SNX29: variants seen among roughly 807,000 people sequenced by gnomAD.
The protein encoded by SNX29 is sorting nexin-29.
In SNX29, 78 loss-of-function variants were observed where a neutral mutation model predicts 102.1. The observed-to-expected ratio is 0.76, with a 90% CI of 0.64 to 0.92. The LOEUF is 0.92. Among genes scored for constraint, SNX29 ranks in the 40% least tolerant of loss-of-function variants. The pLI is 0.00. For synonymous variants in SNX29, 580 were observed against 414.5 expected (o/e 1.40, Z -4.85); for missense variants, 1,280 against 1,061.7 (o/e 1.21, Z -2.86).
rs1004270274 is a variant in SNX29, at chr16:12,129,568, G to A, written c.1467-62G>A. 12 of 1,542,452 alleles carry A rather than the reference G, an allele frequency of 7.8e-6. No individual in the cohort carries two copies. The East Asian group carries it at 2.5e-4, about 33-fold the overall frequency. ...GGACTTGACTTATGTTAGGAACTGT[G>A]TCCTGGGCTCAGTGGGGTCTGGGTT... On this transcript the variant is annotated intron_variant, in intron 12 of 20. Coordinates refer to ENST00000566228, the MANE Select transcript of SNX29 (RefSeq NM_032167.5).
chr16:12,474,355 G>T (rs148915781), intron 18 of SNX29, among the ~76,000 whole-genome samples: 1 of 152,156 alleles, frequency 6.6e-6, no homozygotes, highest in Non-Finnish European at 1.5e-5. Context: ...GGAATATCAC[G>T]TCCTGGTCTG....
At position 12,061,529 on chromosome 16, in the gene SNX29, C is replaced by T. The variant is rs772581163; in HGVS notation, c.1126C>T (p.Pro376Ser). 6.3e-7 allele frequency: 1 copy of T among 1,595,678 alleles called. No homozygotes were observed. Among genetic ancestry groups the T allele is most frequent in the Non-Finnish European group, 8.5e-7 (1 of 1,172,272 alleles). ...HRGHSESPEK[P>S]LEGNTCLSQM... ...TGCAGCTGTATTCTTTCACCTTAGG[C>T]CACTGGAAGGGAACACCTGCCTCTC... The change falls in exon 9 of 21, where the codon CCA (proline) becomes TCA (serine). Residue 376 changes from proline (P) to serine (S), a missense_variant and splice_region_variant. Transcript: ENST00000566228.
At chr16:12,331,600 G>T (rs2081293964) in intron 15 of SNX29, among the ~76,000 whole-genome samples, 1 of 152,124 alleles carries the variant, frequency 6.6e-6, no homozygotes, top group South Asian at 2.1e-4. Context: ...GCCCAGGCTG[G>T]AGTGCAGTGG....
chr16:12,536,718 C>G (rs989406704), intron 20 of SNX29, among the ~76,000 whole-genome samples: 3 of 152,162 alleles, frequency 2.0e-5, no homozygotes, highest in South Asian at 2.1e-4. Context: ...TGGCTCACGC[C>G]TGTAATCTCA....
chr16:12,138,355 G>A (rs905918096), intron 13 of SNX29, among the ~76,000 whole-genome samples: 21 of 152,032 alleles, frequency 1.4e-4, no homozygotes, highest in African/African-American at 5.1e-4. Flanking sequence ...CTACAGGCAT[G>A]TGCCACCATG....
intron 14 of SNX29, among the ~76,000 whole-genome samples, chr16:12,215,466 G>A (rs1355179467): frequency 3.3e-5 from 5 of 152,162 alleles, no homozygotes; most frequent in Non-Finnish European, 5.9e-5. Flanking sequence ...GATCTCTGAT[G>A]TCCTGATACA....
At chr16:12,382,929 A>G (rs1438987957) in intron 16 of SNX29, among the ~76,000 whole-genome samples, 1 of 152,106 alleles carries the variant, frequency 6.6e-6, no homozygotes, top group Non-Finnish European at 1.5e-5. Flanking sequence ...GGATGTTCTC[A>G]TCTCAAGAGT....
At chr16:12,509,534 G>T (rs2089517232) in intron 19 of SNX29, among the ~76,000 whole-genome samples, 1 of 152,182 alleles carries the variant, frequency 6.6e-6, no homozygotes, top group Non-Finnish European at 1.5e-5. Context: ...TCCTGTCTTT[G>T]GGTCCCATGG....
At chr16:12,320,113 C>G (rs1012059994) in intron 15 of SNX29, among the ~76,000 whole-genome samples, 6 of 152,118 alleles carry the variant, frequency 3.9e-5, no homozygotes, top group African/African-American at 1.4e-4. Context: ...GAGAGATGAA[C>G]AAAGTAATCA....
At chr16:12,139,663 C>T (rs1426025752) in intron 13 of SNX29, among the ~76,000 whole-genome samples, 5 of 152,194 alleles carry the variant, frequency 3.3e-5, no homozygotes, top group Middle Eastern at 3.4e-3. Flanking sequence ...TTGGGGCTTT[C>T]TGGAAGCCCC....
intron 15 of SNX29, among the ~76,000 whole-genome samples, chr16:12,344,551 A>T (rs79473643): frequency 0.063 from 9,632 of 152,268 alleles, 995 homozygotes; most frequent in African/African-American, 0.22. Flanking sequence ...AATGAATGAA[A>T]GAATCTGAGA....
intron 14 of SNX29, among the ~76,000 whole-genome samples, chr16:12,270,813 G>C (rs905555643): frequency 6.6e-6 from 1 of 152,024 alleles, no homozygotes; most frequent in Non-Finnish European, 1.5e-5. Flanking sequence ...AGGGCAAGGC[G>C]GGTAGATCGC....
chr16:12,321,722 C>T (rs544354753), intron 15 of SNX29, among the ~76,000 whole-genome samples: 63 of 152,174 alleles, frequency 4.1e-4, no homozygotes, highest in South Asian at 3.1e-3. Flanking sequence ...ATGAGGGCCC[C>T]GGGGAGAAGA....
At chr16:12,489,079 T>G (rs144597616) in intron 19 of SNX29, among the ~76,000 whole-genome samples, 187 of 152,324 alleles carry the variant, frequency 1.2e-3, no homozygotes, top group African/African-American at 4.3e-3. Flanking sequence ...TCTATCTGCT[T>G]TTGTTCCTCA....
At chr16:12,527,826 CTTTT>C (rs767257136) in intron 20 of SNX29, among the ~76,000 whole-genome samples, 3 of 138,352 alleles carry the variant, frequency 2.2e-5, no homozygotes, top group African/African-American at 5.3e-5. Context: ...TCTTCTTCTT[CTTTT>C]TTTTTTTTTT....
intron 16 of SNX29, among the ~76,000 whole-genome samples, chr16:12,362,848 C>T (rs2082347520): frequency 6.6e-6 from 1 of 152,146 alleles, no homozygotes; most frequent in Admixed American, 6.5e-5. Context: ...CCCGCGTCCA[C>T]AAGGGCAAGT....
chr16:12,294,047 C>T (rs1018800365), intron 15 of SNX29, among the ~76,000 whole-genome samples: 3 of 152,174 alleles, frequency 2.0e-5, no homozygotes, highest in Non-Finnish European at 4.4e-5. Flanking sequence ...AGCCACTCTC[C>T]GGGGAGGAGA....
At chr16:12,206,757 A>T (rs1032272141) in intron 14 of SNX29, among the ~76,000 whole-genome samples, 13 of 151,198 alleles carry the variant, frequency 8.6e-5, no homozygotes, top group African/African-American at 2.9e-4. Flanking sequence ...GGAAATTTTT[A>T]AAAATCCCAA....
chr16:12,568,684 C>A lies in SNX29; in HGVS notation c.*55C>A. ...TGCGTGGCACCAGCTGCGTCCACCC[C>A]AGCCACTGCCGCTGGCCCCTCACCT... On this transcript the variant is annotated 3_prime_UTR_variant, in exon 21 of 21. Coordinates refer to ENST00000566228, the MANE Select transcript of SNX29 (RefSeq NM_032167.5). 1.9e-6 allele frequency: 3 copies of A among 1,583,558 alleles called. No homozygotes were observed. Among genetic ancestry groups the A allele is most frequent in the Non-Finnish European group, 2.6e-6 (3 of 1,170,226 alleles).
Sources: allele counts gnomAD v4.1 joint callset (sites outside exome capture counted in the v4.1 genomes callset), GRCh38; gene constraint gnomAD v4.1.1; transcripts MANE v1.5; gene names NCBI Gene and HGNC (gene_info 2026-07-23, HGNC 2026-07-21).